TRPM7: variants seen among roughly 807,000 people sequenced by gnomAD.
The protein encoded by TRPM7 is LTRPC ion channel family member 7.
A neutral mutation model predicts 229.7 loss-of-function variants in TRPM7; 134 were observed. The observed-to-expected ratio is 0.58, with a 90% CI of 0.51 to 0.67. The LOEUF is 0.67. Ranked by LOEUF, TRPM7 falls within the 30% of genes least tolerant of loss-of-function variation. TRPM7 has a pLI of 0.00. For synonymous variants in TRPM7, 699 were observed against 715.2 expected (o/e 0.98, Z 0.36); for missense variants, 1,901 against 2,210.0 (o/e 0.86, Z 2.80).
chr15:50,639,181 A>G (rs2061011214), intron 6 of TRPM7, among the ~76,000 whole-genome samples: 1 of 152,216 alleles, frequency 6.6e-6, no homozygotes, highest in African/African-American at 2.4e-5. Flanking sequence ...CACATAAAAG[A>G]CTGAAAGCAA....
chr15:50,578,758 A>T, intron 30 of TRPM7, 94 bp from the exon 31 acceptor site: 1 of 833,836 alleles, frequency 1.2e-6, no homozygotes, highest in Non-Finnish European at 1.7e-6. Context: ...TATTATATAA[A>T]AAATATTATT....
intron 31 of TRPM7, among the ~76,000 whole-genome samples, chr15:50,578,293 A>G (rs1052727604): frequency 6.6e-6 from 1 of 152,228 alleles, no homozygotes; most frequent in Admixed American, 6.5e-5. Flanking sequence ...AGTAAATGCA[A>G]TAGGACTTTG....
intron 3 of TRPM7, among the ~76,000 whole-genome samples, chr15:50,657,250 T>C (rs2061600966): frequency 6.6e-6 from 1 of 152,058 alleles, no homozygotes; most frequent in Non-Finnish European, 1.5e-5. Context: ...CTTGAACCCA[T>C]GAGACAGAGG....
At chr15:50,639,583 T>C in intron 5 of TRPM7, 35 bp from the exon 6 acceptor site, 1 of 1,593,410 alleles carries the variant, frequency 6.3e-7, no homozygotes. Flanking sequence ...TTTTGTTTTT[T>C]TTATTTTCTT....
In TRPM7 at chr15:50,654,413, C is replaced by T. The variant is rs1479778953; in HGVS notation, c.122+3368G>A. Among the ~76,000 whole-genome samples, 6 of 151,080 alleles carry T rather than the reference C, an allele frequency of 4.0e-5. 1 individual carries two copies. The highest frequency in any genetic ancestry group is 8.9e-5 in the Non-Finnish European group (6 of 67,648). ...AGTGAGCTGAGATTGCAGCACTGCA[C>T]TCCAGCCTGGGCAACAGAACAAGAC... On this transcript the variant is annotated intron_variant, in intron 3 of 38. Coordinates refer to ENST00000646667, the MANE Select transcript of TRPM7 (RefSeq NM_017672.6).
At chr15:50,670,810 GA>G (rs59965204) in intron 1 of TRPM7, among the ~76,000 whole-genome samples, 12,600 of 113,424 alleles carry the variant, frequency 0.11, 588 homozygotes, top group South Asian at 0.16. Flanking sequence ...AAAAGAAAAA[GA>G]AAAAAAAAAA....
chr15:50,643,782 A>G (rs192704703), intron 4 of TRPM7, among the ~76,000 whole-genome samples: 50 of 152,326 alleles, frequency 3.3e-4, no homozygotes, highest in Non-Finnish European at 6.6e-4. Context: ...ACTTTTAAAC[A>G]TTTAGACACA....
At chr15:50,604,660 C>G in intron 21 of TRPM7, 1 of 425,596 alleles carries the variant, frequency 2.3e-6, no homozygotes, top group Non-Finnish European at 4.2e-6. Flanking sequence ...GTATAGCTAA[C>G]ATTATCTTGC....
chr15:50,655,484 T>C (rs964766267), intron 3 of TRPM7, among the ~76,000 whole-genome samples: 1 of 141,802 alleles, frequency 7.1e-6, no homozygotes, highest in African/African-American at 2.6e-5. Context: ...AGGTAAAAAA[T>C]TTGAACGTGC....
chr15:50,579,875 T>C (rs2054318212), intron 30 of TRPM7, among the ~76,000 whole-genome samples: 1 of 152,174 alleles, frequency 6.6e-6, no homozygotes, highest in Non-Finnish European at 1.5e-5. Flanking sequence ...GGCTCACTAC[T>C]CCTGCGCTCA....
chr15:50,616,407 G>A lies in TRPM7; in HGVS notation c.1495-2144C>T, dbSNP rs1014174057. On this transcript the variant is annotated intron_variant, in intron 13 of 38. Coordinates refer to ENST00000646667, the MANE Select transcript of TRPM7 (RefSeq NM_017672.6). ...TCTTTCTTAGAAACATGGTCTTAAC[G>A]TCTCCCCCATTACTTAAGATTTCTA... 2.6e-5 allele frequency among the ~76,000 whole-genome samples: 4 copies of A among 151,992 alleles called. No homozygotes were observed. In the South Asian group the frequency reaches 6.2e-4, roughly 24 times the overall value.
chr15:50,629,395 C>A lies in TRPM7; in HGVS notation c.1205-1146G>T, dbSNP rs1047887069. 2.0e-5 allele frequency among the ~76,000 whole-genome samples: 3 copies of A among 149,712 alleles called. No individual in the cohort carries two copies. In the East Asian group the frequency reaches 5.8e-4, roughly 29 times the overall value. ...TCAACTGATCCTCCCACCTCAGCCT[C>A]TCAAGTAGCTGGGACCACTGGTGTA... is the stretch of plus-strand genomic sequence containing the variant. On this transcript the variant is annotated intron_variant, in intron 10 of 38. Transcript: ENST00000646667.
Position 50,604,930 on chromosome 15 carries a change from C to A in TRPM7, c.2924G>T (p.Arg975Leu). 1 of 1,613,114 alleles carries A rather than the reference C, an allele frequency of 6.2e-7. No individual in the cohort carries two copies. The stretch of plus-strand genomic sequence containing the variant: ...ATTTACAGCTAGAAAATCTAGCAAA[C>A]GCACATACCAAAATATTATGTTAAG... ...YCLNIIFWYV[R>L]LLDFLAVNQQ... The change falls in exon 21 of 39, where the codon CGT (arginine) becomes CTT (leucine). Residue 975 changes from arginine to leucine, a missense_variant. By Grantham distance (102) the Arg-to-Leu change is moderately radical (BLOSUM62 -2). Around this residue, in one of 8 missense-constraint regions of TRPM7, gnomAD observed 207 missense variants for 241.5 expected, o/e 0.86. Coordinates refer to ENST00000646667, the MANE Select transcript of TRPM7 (RefSeq NM_017672.6).
Position 50,663,039 on chromosome 15 carries a change from T to C in TRPM7, c.11A>G (p.Lys4Arg), listed in dbSNP as rs1160438390. 1.2e-6 allele frequency: 2 copies of C among 1,612,904 alleles called. No individual in the cohort carries two copies. The highest frequency in any genetic ancestry group is 4.5e-5 in the East Asian group (2 of 44,846). The change falls in exon 2 of 39, where the codon AAA becomes AGA. Residue 4 changes from lysine to arginine, a missense_variant. Lys to Arg is a conservative substitution (Grantham distance 26, BLOSUM62 2). Transcript: ENST00000646667. MSQ[K>R]SWIESTLTKR... ...GGTCAAAGTGCTTTCTATCCAGGAT[T>C]TCTGGGACTAAAACAAAATGTTTTA... is the stretch of plus-strand genomic sequence containing the variant.
chr15:50,680,158 C>T (rs2062211076), intron 1 of TRPM7, among the ~76,000 whole-genome samples: 2 of 151,962 alleles, frequency 1.3e-5, no homozygotes, highest in Admixed American at 6.6e-5. Flanking sequence ...CACTTGAACC[C>T]GGGAGGCAGA....
chr15:50,609,962 C>A lies in TRPM7; in HGVS notation c.2281-1G>T. 2.6e-6 allele frequency: 4 copies of A among 1,562,682 alleles called. No homozygotes were observed. The highest frequency in any genetic ancestry group is 2.6e-6 in the Non-Finnish European group (3 of 1,154,634). On this transcript the variant is annotated splice_acceptor_variant, in intron 17 of 38. Coordinates refer to ENST00000646667, the MANE Select transcript of TRPM7 (RefSeq NM_017672.6). LOFTEE classifies it high-confidence loss of function. ...GTGGAACTAAAATGCTTAGTATGAC[C>A]TAAATTTTTAGAAACATAATTTTGC...
At chr15:50,676,812 T>A (rs1321693240) in intron 1 of TRPM7, among the ~76,000 whole-genome samples, 1 of 152,108 alleles carries the variant, frequency 6.6e-6, no homozygotes, top group Non-Finnish European at 1.5e-5. Context: ...AAACAGCAGC[T>A]GGAAAGTGAT....
chr15:50,564,254 A>C (rs1435471945), intron 38 of TRPM7, among the ~76,000 whole-genome samples: 218 of 34,354 alleles, frequency 6.3e-3, no homozygotes, highest in African/African-American at 0.021. Flanking sequence ...CTCAAAAAAT[A>C]AAATAAAATA....
intron 1 of TRPM7, among the ~76,000 whole-genome samples, chr15:50,673,035 T>G (rs539314048): frequency 5.2e-4 from 78 of 149,792 alleles, no homozygotes; most frequent in African/African-American, 2.0e-3. Context: ...ACAAATCTGT[T>G]AAATTAAAAA....
Sources: gnomAD v4.1 joint callset for allele counts (sites outside exome capture counted in the v4.1 genomes callset) on GRCh38, gnomAD v4.1.1 for gene constraint, gnomAD v4.1.1 regional missense constraint, MANE v1.5 for transcripts, NCBI Gene and HGNC (gene_info 2026-07-23, HGNC 2026-07-21) for gene names.